C1QTNF2: variants seen among roughly 807,000 people sequenced by gnomAD.
C1QTNF2 encodes C1q and TNF related 2.
A neutral mutation model predicts 17.4 loss-of-function variants in C1QTNF2; 15 were observed. The observed-to-expected ratio is 0.86, with a 90% CI of 0.58 to 1.33. C1QTNF2 has a LOEUF of 1.33. Ranked by LOEUF, C1QTNF2 falls within the 40% of genes most tolerant of loss-of-function variation. The probability of loss-of-function intolerance (pLI) is 0.00; values close to 1 mark genes in which losing one functional copy is unlikely to be tolerated. For missense variants in C1QTNF2, 381 were observed against 392.3 expected (o/e 0.97, Z 0.24); for synonymous variants, 154 against 163.3 (o/e 0.94, Z 0.44).
At chr5:160,366,696 C>T (rs560232024) in intron 1 of C1QTNF2, among the ~76,000 whole-genome samples, 1 of 152,266 alleles carries the variant, frequency 6.6e-6, no homozygotes, top group African/African-American at 2.4e-5. Flanking sequence ...CAAATTTAGT[C>T]ATTCAGTGAT....
chr5:160,359,386 T>G (rs558376268), intron 1 of C1QTNF2, among the ~76,000 whole-genome samples: 2 of 152,194 alleles, frequency 1.3e-5, no homozygotes, highest in Admixed American at 1.3e-4. Flanking sequence ...GAAGTTATAT[T>G]TGAACTTGGG....
intron 1 of C1QTNF2, among the ~76,000 whole-genome samples, chr5:160,367,571 G>T (rs1309556663): frequency 6.6e-6 from 1 of 152,220 alleles, no homozygotes; most frequent in Admixed American, 6.5e-5. Flanking sequence ...AGACACAGCA[G>T]ATGATGGCCA....
chr5:160,363,432 G>T (rs1764189400), intron 1 of C1QTNF2, among the ~76,000 whole-genome samples: 1 of 152,174 alleles, frequency 6.6e-6, no homozygotes, highest in Admixed American at 6.5e-5. Context: ...GGATGCCTCA[G>T]AAAATATTTG....
intron 1 of C1QTNF2, among the ~76,000 whole-genome samples, chr5:160,361,799 T>C (rs767510131): frequency 8.5e-5 from 13 of 152,200 alleles, no homozygotes; most frequent in Non-Finnish European, 1.6e-4. Context: ...TATCATCTCC[T>C]CAGAGAGACC....
At chr5:160,356,147 A>G (rs1764046695) in intron 1 of C1QTNF2, among the ~76,000 whole-genome samples, 1 of 152,224 alleles carries the variant, frequency 6.6e-6, no homozygotes, top group South Asian at 2.1e-4. Context: ...CTTGCCCAAG[A>G]TCTCTCAACA....
intron 1 of C1QTNF2, among the ~76,000 whole-genome samples, chr5:160,362,294 C>T (rs1581038971): frequency 6.6e-6 from 1 of 152,166 alleles, no homozygotes; most frequent in Admixed American, 6.5e-5. Flanking sequence ...AATCACACAC[C>T]CACCAGTGCC....
At chr5:160,362,451 G>A (rs1012067597) in intron 1 of C1QTNF2, among the ~76,000 whole-genome samples, 1 of 152,158 alleles carries the variant, frequency 6.6e-6, no homozygotes, top group Non-Finnish European at 1.5e-5. Context: ...AAACACTTCT[G>A]CCCAACTCTC....
At chr5:160,365,867 C>T (rs1027160693) in intron 1 of C1QTNF2, among the ~76,000 whole-genome samples, 1 of 152,236 alleles carries the variant, frequency 6.6e-6, no homozygotes, top group Non-Finnish European at 1.5e-5. Flanking sequence ...AAATTGTAAA[C>T]TGTATTTATG....
In C1QTNF2 at chr5:160,351,687, G is replaced by C. The variant is rs569499715; in HGVS notation, c.245-1906C>G. 2.0e-5 allele frequency among the ~76,000 whole-genome samples: 3 copies of C among 152,168 alleles called. No homozygotes were observed. In the South Asian group the frequency reaches 6.2e-4, roughly 32 times the overall value. ...TAGTGGTTACCTCTGGAGGGTGAGG[G>C]AAGGATGAGAAGGGGTAGTAAGTAA... On this transcript the variant is annotated intron_variant, in intron 2 of 2. Coordinates refer to ENST00000652664, the MANE Select transcript of C1QTNF2 (RefSeq NM_031908.6).
At chr5:160,368,656 G>A (rs929748583) in intron 1 of C1QTNF2, among the ~76,000 whole-genome samples, 2 of 152,182 alleles carry the variant, frequency 1.3e-5, no homozygotes, top group Admixed American at 1.3e-4. Context: ...CCAGGAAGAA[G>A]GAGTGGGTGA....
In C1QTNF2 at chr5:160,370,587, C is replaced by T. The variant is rs1764338130; in HGVS notation, c.-85G>A. ...GGCGGGGCTCCGCGTCCCGGCTTTC[C>T]TCAGCGGCAGCAGCCGGGCAGAGCG... On this transcript the variant is annotated 5_prime_UTR_variant, in exon 1 of 3. Transcript: ENST00000652664. The T allele has an allele frequency of 4.1e-6, 6 of 1,453,566 alleles. No homozygotes were observed. Among genetic ancestry groups the T allele is most frequent in the Non-Finnish European group, 5.4e-6 (6 of 1,109,836 alleles). The allele number at this position is 1,453,566 out of a possible 1,614,324, so 90.0% of individuals were successfully genotyped here. A position where few individuals can be genotyped will look rare whatever the true frequency, so the allele number is the denominator to read the frequency against.
chr5:160,360,483 C>T (rs764627654), intron 1 of C1QTNF2, among the ~76,000 whole-genome samples: 3 of 152,150 alleles, frequency 2.0e-5, no homozygotes, highest in Non-Finnish European at 2.9e-5. Context: ...TCCCTCCTTG[C>T]TTTTGACCCC....
At chr5:160,368,340 C>T (rs896357769) in intron 1 of C1QTNF2, among the ~76,000 whole-genome samples, 3 of 151,790 alleles carry the variant, frequency 2.0e-5, no homozygotes, top group Non-Finnish European at 4.4e-5. Flanking sequence ...GAGACCAGCC[C>T]GGCCAATATG....
At position 160,349,690 on chromosome 5, in the gene C1QTNF2, C is replaced by G. The variant is rs779343736; in HGVS notation, c.336G>C (p.Gly112=). 6.2e-7 allele frequency: 1 copy of G among 1,605,924 alleles called. No homozygotes were observed. Among genetic ancestry groups the G allele is most frequent in the South Asian group, 1.1e-5 (1 of 90,444 alleles). Residue 112 remains glycine, a synonymous_variant, in exon 3 of 3, where the codon GGG becomes GGC. Transcript: ENST00000652664. The surrounding 1 kb of genome is among the most constrained non-coding windows in gnomAD (Gnocchi z 4.3). ...IGRAGPRGPK[G]VNGTPGKHGT... is the part of the protein sequence containing the mutation. ...CATGCTTCCCGGGGGTACCGTTGAC[C>G]CCCTTGGGGCCACGGGGGCCAGCCC...
intron 1 of C1QTNF2, among the ~76,000 whole-genome samples, chr5:160,367,085 A>C (rs940098771): frequency 6.6e-6 from 1 of 152,154 alleles, no homozygotes; most frequent in South Asian, 2.1e-4. Flanking sequence ...GAGGATTAAA[A>C]AGCTATGGAA....
At position 160,367,034 on chromosome 5, in the gene C1QTNF2, A is replaced by AG. The variant is rs1366999636; in HGVS notation, c.-10+3477_-10+3478insC. ...GCAAGACATTGTCAAAAAAAAAAAA[A>AG]AAAAAGAAAAAGAATAAACAACGTG... is the stretch of plus-strand genomic sequence containing the variant. On this transcript the variant is annotated intron_variant, in intron 1 of 2. Coordinates refer to ENST00000652664, the MANE Select transcript of C1QTNF2 (RefSeq NM_031908.6). Among the ~76,000 whole-genome samples, 6 of 151,912 alleles carry AG rather than the reference A, an allele frequency of 3.9e-5. No individual in the cohort carries two copies. The East Asian group carries it at 5.8e-4, about 15-fold the overall frequency.
chr5:160,358,060 C>G (rs137997397), intron 1 of C1QTNF2, among the ~76,000 whole-genome samples: 11 of 152,340 alleles, frequency 7.2e-5, no homozygotes, highest in Middle Eastern at 3.4e-3. Context: ...AGAGGGAATG[C>G]CTGTCTGCGA....
intron 2 of C1QTNF2, among the ~76,000 whole-genome samples, 165 bp downstream of exon 2, chr5:160,354,593 AAAAAGTATAT>A (rs1245348209): frequency 2.3e-4 from 7 of 30,552 alleles, no homozygotes; most frequent in East Asian, 1.0e-3. Flanking sequence ...GGAAAAAAAA[AAAAAGTATAT>A]ATATATATAT....
At chr5:160,361,921 T>C (rs1419704757) in intron 1 of C1QTNF2, among the ~76,000 whole-genome samples, 1 of 152,222 alleles carries the variant, frequency 6.6e-6, no homozygotes, top group Admixed American at 6.5e-5. Flanking sequence ...GTTTGTTTCT[T>C]GACTTGTTAA....
Sources: gnomAD v4.1 joint callset for allele counts (sites outside exome capture counted in the v4.1 genomes callset) on GRCh38, gnomAD v4.1.1 for gene constraint, Gnocchi (gnomAD v3.1) non-coding constraint, MANE v1.5 for transcripts, NCBI Gene and HGNC (gene_info 2026-07-23, HGNC 2026-07-21) for gene names.